Variants in MLLT10 observed in about 807,000 individuals in gnomAD.
The protein encoded by MLLT10 is MLLT10 histone lysine methyltransferase DOT1L cofactor, also known as protein AF-10.
A neutral mutation model predicts 129.1 loss-of-function variants in MLLT10; 30 were observed. The observed-to-expected ratio is 0.23, with a 90% CI of 0.17 to 0.32. MLLT10 has a LOEUF of 0.32. Among genes scored for constraint, MLLT10 ranks in the 10% least tolerant of loss-of-function variants. MLLT10 has a pLI of 1.00. For missense variants in MLLT10, 1,119 were observed against 1,268.3 expected, an observed-to-expected ratio of 0.88 and a Z score of 1.79; for synonymous variants, 490 against 446.4, an observed-to-expected ratio of 1.10 and a Z score of -1.23.
chr10:21,682,103 A>T, intron 12 of MLLT10, 122 bp from the exon 13 acceptor site: 1 of 678,152 alleles, frequency 1.5e-6, no homozygotes, highest in Non-Finnish European at 2.3e-6. Flanking sequence ...TTAATGATTC[A>T]AACAATGATA....
At chr10:21,627,058 T>C (rs2131252993) in intron 8 of MLLT10, among the ~76,000 whole-genome samples, 2 of 152,332 alleles carry the variant, frequency 1.3e-5, no homozygotes, top group Admixed American at 1.3e-4. Flanking sequence ...TTTTAAACTT[T>C]TGGTTTTTTC....
intron 14 of MLLT10, among the ~76,000 whole-genome samples, chr10:21,717,770 T>C (rs1300388456): frequency 1.9e-5 from 2 of 107,692 alleles, no homozygotes; most frequent in African/African-American, 3.7e-5. Flanking sequence ...CCTCCTCCGC[T>C]GCTGCTGCTG....
chr10:21,576,453 G>A (rs1277308049), intron 3 of MLLT10, among the ~76,000 whole-genome samples: 2 of 150,168 alleles, frequency 1.3e-5, no homozygotes, highest in East Asian at 4.1e-4. Flanking sequence ...ATGTTGACAG[G>A]CTGGTCTCGA....
At chr10:21,645,801 A>G (rs1315285122) in intron 8 of MLLT10, among the ~76,000 whole-genome samples, 1 of 152,188 alleles carries the variant, frequency 6.6e-6, no homozygotes, top group Non-Finnish European at 1.5e-5. Context: ...ATGAACTTAC[A>G]AGTATTATCT....
intron 14 of MLLT10, among the ~76,000 whole-genome samples, chr10:21,718,757 T>C (rs1490764483): frequency 6.6e-6 from 1 of 152,280 alleles, no homozygotes; most frequent in Non-Finnish European, 1.5e-5. Context: ...AGTCTCACTC[T>C]GTTGCCGAGG....
At chr10:21,657,114 A>C (rs1211163265) in intron 9 of MLLT10, among the ~76,000 whole-genome samples, 1 of 152,180 alleles carries the variant, frequency 6.6e-6, no homozygotes, top group Non-Finnish European at 1.5e-5. Flanking sequence ...GGGAGATGCC[A>C]GGTGGGGTAG....
At chr10:21,731,207 GT>G (rs2057941453) in intron 17 of MLLT10, among the ~76,000 whole-genome samples, 153 bp downstream of exon 17, 1 of 152,092 alleles carries the variant, frequency 6.6e-6, no homozygotes, top group Non-Finnish European at 1.5e-5. Flanking sequence ...AGGTGAAGTG[GT>G]TTAATAGAAG....
intron 11 of MLLT10, among the ~76,000 whole-genome samples, chr10:21,674,822 A>G (rs745669621): frequency 6.6e-6 from 1 of 152,190 alleles, no homozygotes; most frequent in Non-Finnish European, 1.5e-5. Flanking sequence ...TATGGATTGT[A>G]TTTGTTCTAT....
intron 21 of MLLT10, chr10:21,738,478 G>A (rs2058564360): frequency 1.6e-6 from 2 of 1,288,954 alleles, no homozygotes; most frequent in Non-Finnish European, 1.0e-6. Context: ...AGACCATGAG[G>A]ACTAAAGGAC....
At chr10:21,538,054 A>G (rs1176035898) in intron 2 of MLLT10, among the ~76,000 whole-genome samples, 2 of 151,472 alleles carry the variant, frequency 1.3e-5, no homozygotes, top group East Asian at 3.9e-4. Context: ...AGGCTGGAGC[A>G]CAGTGGTGTG....
At chr10:21,698,322 T>A (rs929774154) in intron 13 of MLLT10, among the ~76,000 whole-genome samples, 1 of 152,198 alleles carries the variant, frequency 6.6e-6, no homozygotes, top group Non-Finnish European at 1.5e-5. Flanking sequence ...CATGTGGTAT[T>A]TGTCTTTCTG....
chr10:21,664,944 CTTTTTTT>C (rs146373535), intron 9 of MLLT10, among the ~76,000 whole-genome samples: 8 of 119,392 alleles, frequency 6.7e-5, no homozygotes, highest in Admixed American at 2.6e-4. Flanking sequence ...TTTTTCTTTT[CTTTTTTT>C]TTTTTTTTTT....
chr10:21,663,705 C>T (rs2050449903), intron 9 of MLLT10, among the ~76,000 whole-genome samples: 1 of 152,176 alleles, frequency 6.6e-6, no homozygotes, highest in African/African-American at 2.4e-5. Flanking sequence ...GCTGGGACTA[C>T]AGACGCCTGC....
At chr10:21,626,371 A>AC in intron 8 of MLLT10, 1 of 645,844 alleles carries the variant, frequency 1.5e-6, no homozygotes, top group Non-Finnish European at 2.7e-6. Context: ...CACGCGTGCC[A>AC]CCCCCCAAGT....
chr10:21,637,279 C>G (rs1008314487), intron 8 of MLLT10, among the ~76,000 whole-genome samples: 9 of 152,150 alleles, frequency 5.9e-5, no homozygotes, highest in Non-Finnish European at 1.5e-5. Flanking sequence ...TTGGGCTACT[C>G]TCATAGGATG....
chr10:21,700,797 G>GCC (rs2054835237), intron 13 of MLLT10, among the ~76,000 whole-genome samples: 1 of 152,134 alleles, frequency 6.6e-6, no homozygotes, highest in Non-Finnish European at 1.5e-5. Context: ...TTGACCTGTA[G>GCC]TTTCCTTTTT....
In MLLT10 at chr10:21,742,024, A is replaced by G. The variant is rs557196032; in HGVS notation, c.*41A>G. ...TAGAAATTGCCTATCCTGCTGTTCT[A>G]GCACTTCATCTGGCTGCCTTTGCAG... On this transcript the variant is annotated 3_prime_UTR_variant, in exon 23 of 23. Transcript: ENST00000307729. 13 of 1,597,990 alleles carry G rather than the reference A, an allele frequency of 8.1e-6. No homozygotes were observed. In the South Asian group the frequency reaches 1.3e-4, roughly 17 times the overall value.
At chr10:21,534,572 G>A in intron 1 of MLLT10, 52 bp downstream of exon 1, 1 of 1,487,272 alleles carries the variant, frequency 6.7e-7, no homozygotes, top group East Asian at 2.5e-5. Context: ...GGGCGGGCTC[G>A]GGGGGCTGTG....
intron 14 of MLLT10, among the ~76,000 whole-genome samples, chr10:21,715,169 A>G (rs983118097): frequency 1.3e-5 from 2 of 152,194 alleles, no homozygotes; most frequent in African/African-American, 4.8e-5. Flanking sequence ...TTGTTAGGAT[A>G]TATATACGCT....
Sources: allele counts gnomAD v4.1 joint callset (sites outside exome capture counted in the v4.1 genomes callset), GRCh38; gene constraint gnomAD v4.1.1; transcripts MANE v1.5; gene names NCBI Gene and HGNC (gene_info 2026-07-23, HGNC 2026-07-21).